PSMG2: variants seen among roughly 807,000 people sequenced by gnomAD.
PSMG2 encodes the protein CD40 ligand-activated specific transcript 3.
In PSMG2, 21 loss-of-function variants were observed where a neutral mutation model predicts 31.5. The ratio of observed to expected loss-of-function variants is 0.67; its 90% CI spans 0.47 to 0.96. PSMG2 has a LOEUF of 0.96. PSMG2 is among the 40% of genes least tolerant of loss of function. The pLI, the probability that PSMG2 is intolerant of heterozygous loss-of-function variation, is 0.00. For missense variants in PSMG2, 318 were observed against 321.2 expected (o/e 0.99, Z 0.08); for synonymous variants, 120 against 110.4 (o/e 1.09, Z -0.54).
At chr18:12,712,676 A>T in intron 2 of PSMG2, 26 bp from the exon 3 acceptor site, 1 of 1,539,164 alleles carries the variant, frequency 6.5e-7, no homozygotes, top group Non-Finnish European at 8.9e-7. Context: ...CTGTCATATG[A>T]TTTCATTTTC....
intron 3 of PSMG2, among the ~76,000 whole-genome samples, chr18:12,717,064 C>T (rs2040384042): frequency 6.6e-6 from 1 of 151,304 alleles, no homozygotes; most frequent in African/African-American, 2.4e-5. Context: ...ATCCTCCCAC[C>T]TCAGCCTCCT....
At chr18:12,661,957 ATTTTG>A (rs1408030477) in intron 1 of PSMG2, 1 of 258,492 alleles carries the variant, frequency 3.9e-6, no homozygotes, top group Non-Finnish European at 7.9e-6. Context: ...TCTGAATATG[ATTTTG>A]TTTTGTTGAT....
chr18:12,681,146 T>A (rs2145017989), intron 1 of PSMG2, among the ~76,000 whole-genome samples: 1 of 145,208 alleles, frequency 6.9e-6, no homozygotes, highest in South Asian at 2.2e-4. Flanking sequence ...TGCAGTGAGC[T>A]ACAATCGCGC....
chr18:12,723,453 TA>T (rs1389227058), intron 5 of PSMG2, among the ~76,000 whole-genome samples: 2 of 152,238 alleles, frequency 1.3e-5, no homozygotes, highest in Non-Finnish European at 2.9e-5. Flanking sequence ...AACTATGTAT[TA>T]AATCTTTTTT....
At chr18:12,666,936 G>A (rs547433246) in intron 1 of PSMG2, among the ~76,000 whole-genome samples, 1 of 151,926 alleles carries the variant, frequency 6.6e-6, no homozygotes, top group African/African-American at 2.4e-5. Flanking sequence ...TTCATAATGA[G>A]TTTAAAATTA....
chr18:12,673,302 A>G, intron 1 of PSMG2: 1 of 1,533,970 alleles, frequency 6.5e-7, no homozygotes, highest in African/African-American at 1.4e-5. Context: ...TAAATAGCTA[A>G]GTAATGTACA....
chr18:12,675,125 G>A (rs541607966), intron 1 of PSMG2, among the ~76,000 whole-genome samples: 3 of 152,184 alleles, frequency 2.0e-5, no homozygotes, highest in Admixed American at 6.6e-5. Flanking sequence ...GGCCGGGTGC[G>A]GTGGCTCACG....
chr18:12,676,960 T>C (rs1449320010), intron 1 of PSMG2, among the ~76,000 whole-genome samples: 1 of 152,150 alleles, frequency 6.6e-6, no homozygotes, highest in East Asian at 1.9e-4. Flanking sequence ...AGAAATATTT[T>C]GTAGGCATTT....
chr18:12,712,651 A>G lies in PSMG2; in HGVS notation c.230-51A>G, dbSNP rs1568042336. The G allele has an allele frequency of 2.2e-6, 3 of 1,341,074 alleles. No homozygotes were observed. In the East Asian group the frequency reaches 6.9e-5, roughly 31 times the overall value. The allele number at this position is 1,341,074 out of a possible 1,614,324, so 83.1% of individuals were successfully genotyped here. On this transcript the variant is annotated intron_variant, in intron 2 of 6. Coordinates refer to ENST00000317615, the MANE Select transcript of PSMG2 (RefSeq NM_020232.5). Reference sequence around the variant, plus strand: ...ATTTTTGTTTATCATAATAATTTCAACTTGTATAACTTCACTGTCATATGA... The same window carrying G: ...ATTTTTGTTTATCATAATAATTTCAGCTTGTATAACTTCACTGTCATATGA...
intron 2 of PSMG2, among the ~76,000 whole-genome samples, chr18:12,707,138 T>A (rs1339769351): frequency 1.3e-5 from 2 of 152,128 alleles, no homozygotes; most frequent in Admixed American, 1.3e-4. Context: ...TGTATTTTTT[T>A]AGTAGAGACG....
intron 1 of PSMG2, among the ~76,000 whole-genome samples, chr18:12,668,836 G>A (rs1340192825): frequency 6.8e-6 from 1 of 147,820 alleles, no homozygotes; most frequent in East Asian, 2.0e-4. Flanking sequence ...CGCCTCCCGG[G>A]TTTAAGCGAT....
intron 1 of PSMG2, among the ~76,000 whole-genome samples, chr18:12,693,428 T>C (rs1471965753): frequency 6.6e-6 from 1 of 151,202 alleles, no homozygotes; most frequent in Non-Finnish European, 1.5e-5. Context: ...TCTAAAAAAA[T>C]AAAATTTAAT....
At chr18:12,702,985 CCCAGGGACTCAAAGGACCCT>C (rs2040208890), upstream of PSMG2, 1 of 1,130,982 alleles carries the variant, frequency 8.8e-7, no homozygotes, top group African/African-American at 1.6e-5. Context: ...GGGCCCGGCG[CCCAGGGACTCAAAGGACCCT>C]CCCGCGCCCC....
chr18:12,714,520 C>T (rs1157262791), intron 3 of PSMG2, among the ~76,000 whole-genome samples: 1 of 147,294 alleles, frequency 6.8e-6, no homozygotes, highest in Non-Finnish European at 1.5e-5. Flanking sequence ...AACAGGGTCT[C>T]TCTTGCTCTG....
chr18:12,719,456 C>T (rs1026067262), intron 4 of PSMG2, among the ~76,000 whole-genome samples: 1 of 151,174 alleles, frequency 6.6e-6, no homozygotes, highest in Admixed American at 6.6e-5. Flanking sequence ...GGCATGGTCT[C>T]AGCTCACTGC....
intron 1 of PSMG2, among the ~76,000 whole-genome samples, chr18:12,689,796 T>C (rs898574368): frequency 9.2e-5 from 14 of 152,142 alleles, no homozygotes; most frequent in Admixed American, 8.5e-4. Flanking sequence ...TTTTTGTCGT[T>C]GTTATTGTTT....
intron 2 of PSMG2, among the ~76,000 whole-genome samples, chr18:12,711,747 A>ATTT (rs1859716548): frequency 9.1e-6 from 1 of 109,616 alleles, no homozygotes; most frequent in African/African-American, 3.3e-5. Flanking sequence ...GGAGCTTCTC[A>ATTT]TTCTTTTTTT....
intron 2 of PSMG2, among the ~76,000 whole-genome samples, chr18:12,708,315 G>A (rs1214663031): frequency 6.6e-6 from 1 of 151,792 alleles, no homozygotes; most frequent in Non-Finnish European, 1.5e-5. Flanking sequence ...CTTTCCACTA[G>A]TGATAACAGC....
chr18:12,662,208 A>G (rs1033634507), intron 1 of PSMG2: 5 of 442,884 alleles, frequency 1.1e-5, no homozygotes, highest in Non-Finnish European at 2.2e-5. Context: ...AAAAAACAGC[A>G]TATTTTTTAA....
Sources: allele counts gnomAD v4.1 joint callset (sites outside exome capture counted in the v4.1 genomes callset), GRCh38; gene constraint gnomAD v4.1.1; transcripts MANE v1.5; gene names NCBI Gene and HGNC (gene_info 2026-07-23, HGNC 2026-07-21).